The following GABRA5 variants were observed in gnomAD, a reference collection of about 807,000 sequenced individuals.
GABRA5 encodes gamma-aminobutyric acid receptor subunit alpha-5.
GABRA5 carries 18 observed loss-of-function variants against 47.3 expected under a neutral mutation model. The observed-to-expected ratio is 0.38, with a 90% CI of 0.26 to 0.56. The LOEUF is 0.56. GABRA5 is among the 20% of genes least tolerant of loss of function. The pLI is 0.71. For synonymous variants in GABRA5, 237 were observed against 229.3 expected (o/e 1.03, Z -0.30); for missense variants, 365 against 599.3 (o/e 0.61, Z 4.08).
chr15:26,869,357 AT>A, intron 3 of GABRA5, 23 bp downstream of exon 3: 1 of 1,432,748 alleles, frequency 7.0e-7, no homozygotes, highest in Non-Finnish European at 9.9e-7. Context: ...CTGTGCTTTT[AT>A]TTTATGATGT....
intron 7 of GABRA5, among the ~76,000 whole-genome samples, chr15:26,930,900 T>A (rs868580568): frequency 6.9e-6 from 1 of 144,016 alleles, no homozygotes; most frequent in African/African-American, 2.6e-5. Flanking sequence ...CTTTTCTTTT[T>A]TTTTTTTTTT....
chr15:26,909,570 G>A (rs1260206747), intron 6 of GABRA5, among the ~76,000 whole-genome samples: 1 of 152,162 alleles, frequency 6.6e-6, no homozygotes, highest in Admixed American at 6.5e-5. Flanking sequence ...GACGCTCTAG[G>A]GGAGAGGCTG....
intron 4 of GABRA5, among the ~76,000 whole-genome samples, chr15:26,881,952 G>A (rs1411522066): frequency 1.3e-5 from 2 of 152,076 alleles, no homozygotes; most frequent in African/African-American, 4.8e-5. Context: ...CACCCACCTC[G>A]GCCTCCCAAA....
At position 26,930,895 on chromosome 15, in the gene GABRA5, C is replaced by CTTTTTT. The variant is rs555799476; in HGVS notation, c.581-6277_581-6272dup. On this transcript the variant is annotated intron_variant, in intron 7 of 10. Coordinates refer to ENST00000335625, the MANE Select transcript of GABRA5 (RefSeq NM_000810.4). ...TCTTTTTTCTTTCTTTCTTTCTTTT[C>CTTTTTT]TTTTTTTTTTTTTTTTTTGAGACAG... Among the ~76,000 whole-genome samples the CTTTTTT allele has an allele frequency of 5.0e-4, 58 of 115,016 alleles. 1 individual carries two copies. The highest frequency in any genetic ancestry group is 1.6e-3 in the African/African-American group (46 of 29,320). 75.5% of individuals were successfully genotyped at this position (115,016 alleles called of 152,430 possible). A position where few individuals can be genotyped will look rare whatever the true frequency, so the allele number is the denominator to read the frequency against.
chr15:26,896,496 T>G (rs1384838558), intron 6 of GABRA5, among the ~76,000 whole-genome samples: 4 of 152,186 alleles, frequency 2.6e-5, no homozygotes, highest in Non-Finnish European at 5.9e-5. Context: ...TTTGTTTTTA[T>G]TTTTCTAGGG....
At position 26,883,108 on chromosome 15, in the gene GABRA5, G is replaced by A; in HGVS notation, c.209-58G>A. 7.2e-7 allele frequency: 1 copy of A among 1,388,164 alleles called. No homozygotes were observed. Among genetic ancestry groups the A allele is most frequent in the Non-Finnish European group, 1.0e-6 (1 of 973,740 alleles). The allele number at this position is 1,388,164 out of a possible 1,614,324, so 86.0% of individuals were successfully genotyped here. On this transcript the variant is annotated intron_variant, in intron 4 of 10. Coordinates refer to ENST00000335625, the MANE Select transcript of GABRA5 (RefSeq NM_000810.4). This position sits in a 1 kb window ranked among gnomAD's most constrained non-coding sequence, Gnocchi z 4.8. ...TGGTTACTGGACTGAGAGCACGAGA[G>A]TGTGCCAGACGCGCAGGGTGGGTCG...
intron 6 of GABRA5, among the ~76,000 whole-genome samples, chr15:26,898,860 C>G (rs966150515): frequency 6.6e-6 from 1 of 151,876 alleles, no homozygotes; most frequent in East Asian, 1.9e-4. Flanking sequence ...TTTTGCTAGT[C>G]CCATAAGTAT....
chr15:26,916,314 C>T (rs1893716417), intron 7 of GABRA5, among the ~76,000 whole-genome samples: 2 of 152,068 alleles, frequency 1.3e-5, no homozygotes, highest in African/African-American at 4.8e-5. Context: ...AAAGAAACAC[C>T]ACTTGTTGAA....
chr15:26,873,383 G>T (rs1892517968), intron 3 of GABRA5, among the ~76,000 whole-genome samples: 1 of 144,706 alleles, frequency 6.9e-6, no homozygotes, highest in African/African-American at 2.6e-5. Flanking sequence ...TATTTTGGAG[G>T]TTTACTGATT....
chr15:26,918,982 C>A (rs12917035), intron 7 of GABRA5, among the ~76,000 whole-genome samples: 121,332 of 151,132 alleles, frequency 0.8, 48,681 homozygotes, highest in East Asian at 0.91. Context: ...CTACAAAAAA[C>A]AAAGTTTTAA....
chr15:26,943,144 G>T, intron 9 of GABRA5, 71 bp from the exon 10 acceptor site: 2 of 1,078,608 alleles, frequency 1.9e-6, no homozygotes, highest in Non-Finnish European at 2.7e-6. Flanking sequence ...TGGGCATGTT[G>T]TACTGGGGTC....
chr15:26,879,061 A>G (rs868343423), intron 3 of GABRA5, among the ~76,000 whole-genome samples: 1 of 152,234 alleles, frequency 6.6e-6, no homozygotes, highest in Admixed American at 6.5e-5. Context: ...ATCTAACACA[A>G]TTTAGGAACA....
chr15:26,892,833 T>C (rs1001642381), intron 6 of GABRA5, among the ~76,000 whole-genome samples: 2 of 152,112 alleles, frequency 1.3e-5, no homozygotes, highest in African/African-American at 4.8e-5. Context: ...CGGAGGCTTC[T>C]CTGAGCAAGT....
intron 7 of GABRA5, among the ~76,000 whole-genome samples, chr15:26,933,657 G>C (rs1188196502): frequency 6.6e-6 from 1 of 152,190 alleles, no homozygotes; most frequent in Non-Finnish European, 1.5e-5. Context: ...TCTTACTGTG[G>C]CACAGTGATG....
chr15:26,937,214 G>C lies in GABRA5; in HGVS notation c.610G>C (p.Val204Leu), dbSNP rs186262515. ...YAYPNSEVVY[V>L]WTNGSTKSVV... ...GTACCCTAATTCTGAAGTCGTTTAC[G>C]TCTGGACCAACGGCTCCACCAAGTC... The change falls in exon 8 of 11, where the codon GTC becomes CTC. Residue 204 changes from valine to leucine, a missense_variant. By Grantham distance (32) the Val-to-Leu change is conservative. Coordinates refer to ENST00000335625, the MANE Select transcript of GABRA5 (RefSeq NM_000810.4). 2 of 1,613,830 alleles carry C rather than the reference G, an allele frequency of 1.2e-6. No individual in the cohort carries two copies. Among genetic ancestry groups the C allele is most frequent in the African/African-American group, 2.7e-5 (2 of 74,900 alleles).
intron 6 of GABRA5, among the ~76,000 whole-genome samples, chr15:26,894,804 C>T (rs909874693): frequency 6.6e-6 from 1 of 152,190 alleles, no homozygotes; most frequent in South Asian, 2.1e-4. Flanking sequence ...TAGGCACAGT[C>T]CGGCCGCAGA....
chr15:26,878,939 T>C lies in GABRA5; in HGVS notation c.87-1907T>C, dbSNP rs80268330. Reference sequence around the variant, plus strand: ...GCAGGAGTGTCTTTATCTCCGCTTCTGGAGAGAGCCACGGAAAACAACGCT... The same window carrying C: ...GCAGGAGTGTCTTTATCTCCGCTTCCGGAGAGAGCCACGGAAAACAACGCT... On this transcript the variant is annotated intron_variant, in intron 3 of 10. Coordinates refer to ENST00000335625, the MANE Select transcript of GABRA5 (RefSeq NM_000810.4). 5.9e-5 allele frequency among the ~76,000 whole-genome samples: 9 copies of C among 152,298 alleles called. No homozygotes were observed. In the East Asian group the frequency reaches 1.7e-3, roughly 29 times the overall value.
rs546421685 is a variant in GABRA5, at chr15:26,868,395, C to T, written c.-139-334C>T. Among the ~76,000 whole-genome samples the T allele has an allele frequency of 3.9e-5, 6 of 152,212 alleles. No homozygotes were observed. In the South Asian group the frequency reaches 1.0e-3, roughly 26 times the overall value. ...TTGCGGGGGATGGGGGTTGGGGGGG[C>T]TTCTTGGGAAAATGCTTCTTTTCGA... On this transcript the variant is annotated intron_variant, in intron 1 of 10. Coordinates refer to ENST00000335625, the MANE Select transcript of GABRA5 (RefSeq NM_000810.4).
intron 6 of GABRA5, among the ~76,000 whole-genome samples, chr15:26,903,161 C>A (rs1308882669): frequency 6.6e-6 from 1 of 152,062 alleles, no homozygotes; most frequent in African/African-American, 2.4e-5. Flanking sequence ...CTCATTGCAT[C>A]CATGTGTTCT....
Sources: allele counts gnomAD v4.1 joint callset (sites outside exome capture counted in the v4.1 genomes callset), GRCh38; gene constraint gnomAD v4.1.1; non-coding constraint Gnocchi (gnomAD v3.1); transcripts MANE v1.5; gene names NCBI Gene and HGNC (gene_info 2026-07-23, HGNC 2026-07-21).